Variants in VSNL1 observed in about 807,000 individuals in gnomAD.
VSNL1 encodes visinin like 1.
Under a neutral mutation model 20.4 loss-of-function variants are expected in VSNL1, and 6 were observed. The observed-to-expected ratio is 0.29, with a 90% CI of 0.16 to 0.58. VSNL1 has a LOEUF of 0.58. Ranked by LOEUF, VSNL1 falls within the 20% of genes least tolerant of loss-of-function variation. VSNL1 has a pLI of 0.90. For synonymous variants in VSNL1, 93 were observed against 86.4 expected (o/e 1.08, Z -0.42); for missense variants, 100 against 234.5 (o/e 0.43, Z 3.75).
intron 2 of VSNL1, among the ~76,000 whole-genome samples, chr2:17,635,892 A>G (rs1425624419): frequency 3.3e-5 from 5 of 152,104 alleles, no homozygotes; most frequent in Non-Finnish European, 7.3e-5. Flanking sequence ...TGCCCTACTC[A>G]AGGCCATGCT....
upstream of VSNL1, chr2:17,540,210 GTCT>G (rs1307520633): frequency 2.6e-5 from 4 of 152,424 alleles, no homozygotes; most frequent in African/African-American, 4.8e-5. Context: ...TTGCTGGGAA[GTCT>G]TCTTTCGGAG....
intron 2 of VSNL1, among the ~76,000 whole-genome samples, chr2:17,617,987 C>T (rs1026640850): frequency 2.0e-5 from 3 of 152,110 alleles, no homozygotes; most frequent in African/African-American, 7.2e-5. Flanking sequence ...TCAAGCATGG[C>T]AGCACCTTTC....
chr2:17,619,751 G>C (rs555037355), intron 2 of VSNL1, among the ~76,000 whole-genome samples: 1 of 152,130 alleles, frequency 6.6e-6, no homozygotes, highest in South Asian at 2.1e-4. Context: ...TTCCTCACCT[G>C]AGGAATGAGG....
At chr2:17,575,544 A>AT (rs534230519) in intron 1 of VSNL1, among the ~76,000 whole-genome samples, 78 of 149,320 alleles carry the variant, frequency 5.2e-4, no homozygotes, top group South Asian at 2.5e-3. Flanking sequence ...TATTTTTTTT[A>AT]TTTTTTTTTG....
At chr2:17,565,252 T>A (rs145448803) in intron 1 of VSNL1, among the ~76,000 whole-genome samples, 21 of 152,312 alleles carry the variant, frequency 1.4e-4, no homozygotes. Context: ...TACTTTTTTA[T>A]TGGGAGAAAT....
At chr2:17,561,081 C>T (rs1663801666) in intron 1 of VSNL1, among the ~76,000 whole-genome samples, 1 of 152,132 alleles carries the variant, frequency 6.6e-6, no homozygotes, top group Non-Finnish European at 1.5e-5. Flanking sequence ...TATTATGTGT[C>T]AAGCCCTCTA....
At position 17,621,225 on chromosome 2, in the gene VSNL1, CTCTT is replaced by C. The variant is rs574958848; in HGVS notation, c.163-28174_163-28171del. ...TTTCTTCCTTCCTTCCTTTCTCTCT[CTCTT>C]TCTTTCTTTCCTTCTTTTTCTTTCT... On this transcript the variant is annotated intron_variant, in intron 2 of 3. Transcript: ENST00000295156. Among the ~76,000 whole-genome samples the C allele has an allele frequency of 3.9e-4, 59 of 151,856 alleles. 1 individual carries two copies. Among genetic ancestry groups the C allele is most frequent in the South Asian group, 3.3e-3 (16 of 4,794 alleles).
At chr2:17,605,356 C>A (rs1271668265) in intron 2 of VSNL1, among the ~76,000 whole-genome samples, 5 of 152,084 alleles carry the variant, frequency 3.3e-5, no homozygotes, top group Admixed American at 6.5e-5. Flanking sequence ...CCCAGCCTTC[C>A]CCAGAACCCC....
At chr2:17,621,794 A>AT (rs1337179372) in intron 2 of VSNL1, among the ~76,000 whole-genome samples, 2 of 151,930 alleles carry the variant, frequency 1.3e-5, no homozygotes, top group African/African-American at 2.4e-5. Flanking sequence ...CACTTGGCTA[A>AT]TTTTTTTGTT....
At chr2:17,644,666 C>G (rs1205162140) in intron 2 of VSNL1, among the ~76,000 whole-genome samples, 1 of 152,290 alleles carries the variant, frequency 6.6e-6, no homozygotes, top group East Asian at 1.9e-4. Flanking sequence ...GAAAAATGAC[C>G]CTCCTGCAAG....
rs774871759 is a variant in VSNL1, at chr2:17,592,161, G to A, written c.87G>A (p.Gln29=). 6.2e-7 allele frequency: 1 copy of A among 1,613,958 alleles called. No homozygotes were observed. Among genetic ancestry groups the A allele is most frequent in the South Asian group, 1.1e-5 (1 of 91,082 alleles). The change falls in exon 2 of 4, where the codon CAG becomes CAA. Residue 29 remains glutamine, a synonymous_variant. Transcript: ENST00000295156. ...AGTTTAATGAGCATGAACTCAAGCA[G>A]TGGTACAAAGGATTTCTCAAGGACT... ...STEFNEHELK[Q]WYKGFLKDCP... is the part of the protein sequence containing the mutation.
At position 17,605,849 on chromosome 2, in the gene VSNL1, G is replaced by T. The variant is rs539083764; in HGVS notation, c.162+13613G>T. 1.9e-4 allele frequency among the ~76,000 whole-genome samples: 29 copies of T among 152,336 alleles called. No individual in the cohort carries two copies. The South Asian group carries it at 6.0e-3, about 32-fold the overall frequency. ...CCACATAAAACACCATAGAAAACCA[G>T]ATACTTTACGTCCTTTCTAAAGTAA... On this transcript the variant is annotated intron_variant, in intron 2 of 3. Transcript: ENST00000295156.
chr2:17,622,535 A>AGAAAGAAG lies in VSNL1; in HGVS notation c.163-26868_163-26867insGGAAAGAA, dbSNP rs1445831284. Among the ~76,000 whole-genome samples, 203 of 21,222 alleles carry AGAAAGAAG rather than the reference A, an allele frequency of 9.6e-3. 3 individuals carry two copies. The highest frequency in any genetic ancestry group is 0.012 in the Non-Finnish European group (149 of 12,948). 13.9% of individuals were successfully genotyped at this position (21,222 alleles called of 152,430 possible). ...GAAAGAAAGAAAAGAAAGAAAGAAA[A>AGAAAGAAG]GAAAGAAAGAAAGAAAGAAAGAAAG... is the stretch of plus-strand genomic sequence containing the variant. On this transcript the variant is annotated intron_variant, in intron 2 of 3. Transcript: ENST00000295156.
chr2:17,572,836 C>T (rs1181303416), intron 1 of VSNL1, among the ~76,000 whole-genome samples: 1 of 152,244 alleles, frequency 6.6e-6, no homozygotes, highest in Non-Finnish European at 1.5e-5. Flanking sequence ...TATTCATCCA[C>T]TGCAAAGGTT....
At chr2:17,560,621 G>A (rs184761749) in intron 1 of VSNL1, among the ~76,000 whole-genome samples, 11 of 152,100 alleles carry the variant, frequency 7.2e-5, no homozygotes, top group Admixed American at 3.3e-4. Flanking sequence ...AATGAATTTC[G>A]GGCATATTAA....
chr2:17,583,437 T>C (rs1223926800), intron 1 of VSNL1, among the ~76,000 whole-genome samples: 1 of 152,252 alleles, frequency 6.6e-6, no homozygotes, highest in African/African-American at 2.4e-5. Context: ...TTTCCTCTGT[T>C]ACCTCACAGA....
intron 1 of VSNL1, among the ~76,000 whole-genome samples, chr2:17,547,836 A>G (rs1255343502): frequency 6.6e-6 from 1 of 152,070 alleles, no homozygotes; most frequent in African/African-American, 2.4e-5. Flanking sequence ...ATATTTTATT[A>G]TCTATGAATT....
intron 1 of VSNL1, among the ~76,000 whole-genome samples, chr2:17,577,372 A>G (rs777392571): frequency 2.6e-5 from 4 of 152,088 alleles, no homozygotes; most frequent in Non-Finnish European, 5.9e-5. Context: ...TACTTTTTTT[A>G]TTGAACTGCT....
intron 1 of VSNL1, among the ~76,000 whole-genome samples, chr2:17,582,522 A>G (rs1046558502): frequency 6.6e-6 from 1 of 152,150 alleles, no homozygotes; most frequent in African/African-American, 2.4e-5. Context: ...GCAACAGAGA[A>G]AAGTAGATGG....
Sources: gnomAD v4.1 joint callset for allele counts (sites outside exome capture counted in the v4.1 genomes callset) on GRCh38, gnomAD v4.1.1 for gene constraint, MANE v1.5 for transcripts, NCBI Gene and HGNC (gene_info 2026-07-23, HGNC 2026-07-21) for gene names.